The following ABR variants were observed in gnomAD, a reference collection of about 807,000 sequenced individuals.
The protein encoded by ABR is active breakpoint cluster region-related protein.
In ABR, 35 loss-of-function variants were observed where a neutral mutation model predicts 107.2. The ratio of observed to expected loss-of-function variants is 0.33; its 90% CI spans 0.25 to 0.43. The LOEUF is 0.43. Ranked by LOEUF, ABR falls within the 20% of genes least tolerant of loss-of-function variation. The pLI, the probability that ABR is intolerant of heterozygous loss-of-function variation, is 1.00. For synonymous variants in ABR, 498 were observed against 462.0 expected (o/e 1.08, Z -1.00); for missense variants, 815 against 1,115.2 (o/e 0.73, Z 3.83).
Position 1,145,969 on chromosome 17 carries a change from G to T in ABR, c.62-20602C>A, listed in dbSNP as rs938913286. Among the ~76,000 whole-genome samples the T allele has an allele frequency of 3.3e-5, 5 of 152,188 alleles. No individual in the cohort carries two copies. The South Asian group carries it at 1.0e-3, about 32-fold the overall frequency. Reference sequence around the variant, plus strand: ...GGCTCTCCACCCAGAGCCTTCCTGGGCCTTAAACATAATTCTACTGTTGAA... The same window carrying T: ...GGCTCTCCACCCAGAGCCTTCCTGGTCCTTAAACATAATTCTACTGTTGAA... On this transcript the variant is annotated intron_variant, in intron 1 of 22. Coordinates refer to ENST00000302538, the MANE Select transcript of ABR (RefSeq NM_021962.5).
intron 5 of ABR, among the ~76,000 whole-genome samples, chr17:1,080,586 G>A (rs2036153096): frequency 6.6e-6 from 1 of 151,738 alleles, no homozygotes; most frequent in Admixed American, 6.6e-5. Flanking sequence ...AGGTGATGAG[G>A]CCAAGGTCAG....
rs959036882 is a variant in ABR, at chr17:1,101,071, A to G, written c.247-336T>C. On this transcript the variant is annotated intron_variant, in intron 2 of 22. Coordinates refer to ENST00000302538, the MANE Select transcript of ABR (RefSeq NM_021962.5). ...ACTCCTGACCTCAGGTGATCCACCC[A>G]CCTCAGCCTCCCAAAGTGCTGGGAT... 1.3e-4 allele frequency: 38 copies of G among 287,154 alleles called. 1 individual carries two copies. In the East Asian group the frequency reaches 1.8e-3, roughly 14 times the overall value. The allele number at this position is 287,154 out of a possible 1,614,324, so 17.8% of individuals were successfully genotyped here.
At chr17:1,212,888 A>G (rs867965179) in intron 1 of ABR, among the ~76,000 whole-genome samples, 63 of 144,170 alleles carry the variant, frequency 4.4e-4, no homozygotes, top group African/African-American at 1.5e-3. Flanking sequence ...GACACTGTCT[A>G]AAAAAAAAAA....
At chr17:1,166,500 G>T (rs573582482) in intron 1 of ABR, among the ~76,000 whole-genome samples, 8 of 152,312 alleles carry the variant, frequency 5.3e-5, no homozygotes, top group Admixed American at 1.3e-4. Context: ...AGGCCCGGGG[G>T]TGTGGCAGTG....
chr17:1,101,217 C>T (rs752395979), intron 2 of ABR: 4 of 157,032 alleles, frequency 2.5e-5, no homozygotes, highest in South Asian at 1.9e-4. Context: ...TCAGGTGATC[C>T]GTCCGCCTCA....
chr17:1,188,526 G>T (rs1378457565), upstream of ABR, among the ~76,000 whole-genome samples: 1 of 147,432 alleles, frequency 6.8e-6, no homozygotes, highest in East Asian at 1.9e-4. Flanking sequence ...CTCCAGCCTG[G>T]GTGACAGAGG....
chr17:1,041,602 G>A (rs1003687608), intron 16 of ABR, among the ~76,000 whole-genome samples: 4 of 152,128 alleles, frequency 2.6e-5, no homozygotes, highest in Admixed American at 1.3e-4. Flanking sequence ...GCATGGTGGC[G>A]GGCGCCTTTA....
chr17:1,193,854 CTAAT>C (rs1299850607), intron 1 of ABR, among the ~76,000 whole-genome samples: 4 of 152,142 alleles, frequency 2.6e-5, no homozygotes, highest in Admixed American at 2.6e-4. Context: ...CCACGCCCAG[CTAAT>C]TTTTTTTTTG....
intron 2 of ABR, among the ~76,000 whole-genome samples, chr17:1,111,276 C>T (rs1432591434): frequency 6.6e-6 from 1 of 152,174 alleles, no homozygotes; most frequent in African/African-American, 2.4e-5. Context: ...ATCCCTGAAC[C>T]CCACACAAGT....
At chr17:1,146,975 T>C (rs2040582718) in intron 1 of ABR, among the ~76,000 whole-genome samples, 1 of 152,260 alleles carries the variant, frequency 6.6e-6, no homozygotes, top group African/African-American at 2.4e-5. Context: ...ATAAGCCACC[T>C]GCCACTATGT....
chr17:1,103,450 T>A (rs9914967), intron 2 of ABR, among the ~76,000 whole-genome samples: 36,899 of 151,982 alleles, frequency 0.24, 4,623 homozygotes, highest in Middle Eastern at 0.37. Context: ...CCAACCAAGG[T>A]TTTGCCTGAG....
intron 10 of ABR, among the ~76,000 whole-genome samples, chr17:1,065,637 G>C (rs1017247111): frequency 6.6e-6 from 1 of 152,046 alleles, no homozygotes; most frequent in Non-Finnish European, 1.5e-5. Context: ...CATGGGTACT[G>C]GTATGTAGTA....
At chr17:1,065,682 T>G (rs1032796133) in intron 10 of ABR, among the ~76,000 whole-genome samples, 1 of 152,180 alleles carries the variant, frequency 6.6e-6, no homozygotes. Flanking sequence ...CAGTTTGCAG[T>G]TCTCATTTTG....
At chr17:1,014,157 C>T (rs547723178) in intron 16 of ABR, among the ~76,000 whole-genome samples, 32 of 152,290 alleles carry the variant, frequency 2.1e-4, no homozygotes, top group Non-Finnish European at 4.0e-4. Context: ...AAAAACTACA[C>T]GAGGCCAGGC....
At position 1,179,952 on chromosome 17, in the gene ABR, G is replaced by A; in HGVS notation, c.-225C>T. On this transcript the variant is annotated 5_prime_UTR_variant, in exon 1 of 23. Coordinates refer to ENST00000302538, the MANE Select transcript of ABR (RefSeq NM_021962.5). This position sits in a 1 kb window ranked among gnomAD's most constrained non-coding sequence, Gnocchi z 4.9. ...CTCCCGGCCCCAGCGGCCGCGCCGA[G>A]CCCAGCTGCGGATCCCGGAACCGAT... The A allele has an allele frequency of 4.9e-6, 1 of 203,218 alleles. No homozygotes were observed. Among genetic ancestry groups the A allele is most frequent in the Non-Finnish European group, 9.5e-6 (1 of 105,678 alleles). The allele number at this position is 203,218 out of a possible 1,614,324, so 12.6% of individuals were successfully genotyped here. A position where few individuals can be genotyped will look rare whatever the true frequency, so the allele number is the denominator to read the frequency against.
At chr17:1,114,352 C>T (rs2038883445) in intron 2 of ABR, among the ~76,000 whole-genome samples, 1 of 151,836 alleles carries the variant, frequency 6.6e-6, no homozygotes, top group South Asian at 2.1e-4. Context: ...GGCCTGTAAT[C>T]CCAGCTACTC....
intron 1 of ABR, among the ~76,000 whole-genome samples, chr17:1,170,210 G>A (rs143493969): frequency 1.3e-5 from 2 of 152,008 alleles, no homozygotes; most frequent in African/African-American, 2.4e-5. Flanking sequence ...CTCATATCAC[G>A]GGGGCTTGGG....
At chr17:1,121,260 C>T (rs999832085) in intron 2 of ABR, among the ~76,000 whole-genome samples, 7 of 152,240 alleles carry the variant, frequency 4.6e-5, no homozygotes, top group African/African-American at 7.2e-5. Context: ...CTGCCAACAC[C>T]GCAGAGACCC....
At chr17:1,023,046 T>G (rs112194304) in intron 16 of ABR, among the ~76,000 whole-genome samples, 2,593 of 131,234 alleles carry the variant, frequency 0.02, 154 homozygotes, top group East Asian at 0.063. Context: ...AGCCTCTGCC[T>G]GCCCCACGTC....
Sources: gnomAD v4.1 joint callset for allele counts (sites outside exome capture counted in the v4.1 genomes callset) on GRCh38, gnomAD v4.1.1 for gene constraint, Gnocchi (gnomAD v3.1) non-coding constraint, MANE v1.5 for transcripts, NCBI Gene and HGNC (gene_info 2026-07-23, HGNC 2026-07-21) for gene names.